SIPA1L3: variants seen among roughly 807,000 people sequenced by gnomAD.
SIPA1L3 encodes the protein signal-induced proliferation-associated 1-like protein 3.
Under a neutral mutation model 150.1 loss-of-function variants are expected in SIPA1L3, and 59 were observed. The ratio of observed to expected loss-of-function variants is 0.39; its 90% CI spans 0.32 to 0.49. SIPA1L3 has a LOEUF of 0.49. SIPA1L3 is among the 20% of genes least tolerant of loss of function. The pLI is 0.86. For missense variants in SIPA1L3, 2,211 were observed against 2,489.5 expected (o/e 0.89, Z 2.38); for synonymous variants, 1,070 against 1,077.6 (o/e 0.99, Z 0.14).
At chr19:38,074,320 G>T (rs1969789819) in intron 2 of SIPA1L3, among the ~76,000 whole-genome samples, 1 of 152,252 alleles carries the variant, frequency 6.6e-6, no homozygotes, top group Non-Finnish European at 1.5e-5. Context: ...TTCTGACTGA[G>T]CTGGAAACAA....
At chr19:38,079,373 G>A (rs372978888) in intron 2 of SIPA1L3, among the ~76,000 whole-genome samples, 1 of 152,168 alleles carries the variant, frequency 6.6e-6, no homozygotes, top group Admixed American at 6.5e-5. Flanking sequence ...GAACAACACA[G>A]ACATCCCTGC....
intron 9 of SIPA1L3, among the ~76,000 whole-genome samples, chr19:38,124,906 G>T (rs893990893): frequency 7.9e-5 from 12 of 152,164 alleles, no homozygotes; most frequent in African/African-American, 2.9e-4. Context: ...GCAGGCTGAG[G>T]CAGGAGAATC....
intron 1 of SIPA1L3, among the ~76,000 whole-genome samples, chr19:37,939,217 G>GT (rs2046629496): frequency 6.6e-6 from 1 of 151,868 alleles, no homozygotes; most frequent in East Asian, 1.9e-4. Context: ...TTGCATTTTG[G>GT]TATCAGATGT....
Position 38,106,573 on chromosome 19 carries a change from A to G in SIPA1L3, c.2066A>G (p.Tyr689Cys). 1 of 1,614,020 alleles carries G rather than the reference A, an allele frequency of 6.2e-7. No homozygotes were observed. Among genetic ancestry groups the G allele is most frequent in the Non-Finnish European group, 8.5e-7 (1 of 1,179,906 alleles). ...STGTHSLYTM[Y>C]QDYEIMFHVS... ...GGAACCCACTCCCTCTACACGATGT[A>G]CCAGGACTACGAGATCATGTTCCAT... is the stretch of plus-strand genomic sequence containing the variant. Residue 689 changes from tyrosine to cysteine, a missense_variant, in exon 7 of 22, where the codon TAC becomes TGC. By Grantham distance (194) the Tyr-to-Cys change is radical (BLOSUM62 -2). This residue lies in a region of SIPA1L3 where 625 missense variants were observed against 804.2 expected (regional missense o/e 0.78). Coordinates refer to ENST00000222345, the MANE Select transcript of SIPA1L3 (RefSeq NM_015073.3).
At chr19:38,094,934 G>A (rs1970344111) in intron 4 of SIPA1L3, among the ~76,000 whole-genome samples, 1 of 152,088 alleles carries the variant, frequency 6.6e-6, no homozygotes. Flanking sequence ...GGGCATGGTG[G>A]CACACACCTG....
chr19:38,127,604 C>T (rs948899268), intron 9 of SIPA1L3, among the ~76,000 whole-genome samples: 2 of 152,140 alleles, frequency 1.3e-5, no homozygotes, highest in Admixed American at 6.6e-5. Flanking sequence ...CTGCCTCCCA[C>T]CTCAGCCTCC....
intron 8 of SIPA1L3, among the ~76,000 whole-genome samples, chr19:38,117,640 A>G (rs1469754770): frequency 6.6e-6 from 1 of 151,190 alleles, no homozygotes; most frequent in African/African-American, 2.4e-5. Flanking sequence ...AAAGAGCATT[A>G]CCTATGGGGT....
At chr19:38,011,580 A>T (rs970364835) in intron 1 of SIPA1L3, among the ~76,000 whole-genome samples, 1 of 152,352 alleles carries the variant, frequency 6.6e-6, no homozygotes, top group South Asian at 2.1e-4. Flanking sequence ...TCCCTGGGGA[A>T]GCCTGCCTTG....
chr19:37,999,602 C>T (rs995909255), intron 1 of SIPA1L3, among the ~76,000 whole-genome samples: 4 of 152,124 alleles, frequency 2.6e-5, no homozygotes, highest in Non-Finnish European at 5.9e-5. Context: ...GGTCTCAGTC[C>T]GGGCGGGCGA....
intron 1 of SIPA1L3, among the ~76,000 whole-genome samples, chr19:37,929,909 A>G (rs1183342730): frequency 6.6e-6 from 1 of 152,010 alleles, no homozygotes; most frequent in Non-Finnish European, 1.5e-5. Context: ...CCCAGGCTAG[A>G]GTGCAGTGGT....
chr19:37,933,958 G>C (rs556056789), intron 1 of SIPA1L3, among the ~76,000 whole-genome samples: 1 of 152,170 alleles, frequency 6.6e-6, no homozygotes, highest in Admixed American at 6.5e-5. Context: ...GTTCCTGCAG[G>C]GGGAGGCCAG....
intron 10 of SIPA1L3, among the ~76,000 whole-genome samples, chr19:38,134,254 G>T (rs961537439): frequency 1.3e-5 from 2 of 151,228 alleles, no homozygotes; most frequent in African/African-American, 2.4e-5. Flanking sequence ...AGAGTGCTAG[G>T]ATTACAGGCA....
Position 38,141,292 on chromosome 19 carries a change from G to GAGC in SIPA1L3, c.3253_3255dup (p.Ser1085dup). On this transcript the variant is annotated inframe_insertion, in exon 11 of 22. Coordinates refer to ENST00000222345, the MANE Select transcript of SIPA1L3 (RefSeq NM_015073.3). ...ACCGCAGCAATGCTCCCTGGCAGTG[G>GAGC]AGCGGGCCCGCATCCCATAACTCTC... 1 of 1,613,904 alleles carries GAGC rather than the reference G, an allele frequency of 6.2e-7. No individual in the cohort carries two copies. Among genetic ancestry groups the GAGC allele is most frequent in the Non-Finnish European group, 8.5e-7 (1 of 1,179,952 alleles).
At chr19:38,186,901 G>C (rs940380435) in intron 16 of SIPA1L3, among the ~76,000 whole-genome samples, 3 of 151,270 alleles carry the variant, frequency 2.0e-5, no homozygotes, top group Non-Finnish European at 1.5e-5. Flanking sequence ...CAGCTACTCG[G>C]GAGGCTGAGG....
chr19:37,962,160 T>TTTTTG (rs1354091810), intron 1 of SIPA1L3, among the ~76,000 whole-genome samples: 3 of 151,570 alleles, frequency 2.0e-5, no homozygotes, highest in Non-Finnish European at 2.9e-5. Flanking sequence ...TTTTTTTTTT[T>TTTTTG]TGAGACAGAG....
At chr19:38,078,775 C>A (rs1219112048) in intron 2 of SIPA1L3, among the ~76,000 whole-genome samples, 4 of 152,198 alleles carry the variant, frequency 2.6e-5, no homozygotes, top group African/African-American at 9.7e-5. Context: ...TGAGCAAAAT[C>A]AGTTCCGTTG....
Position 38,119,432 on chromosome 19 carries a change from C to A in SIPA1L3, c.2418C>A (p.Ala806=), listed in dbSNP as rs150630696. ...CCAAGGTGATTAACGCTGAGAACGCCGCGCACAAGTCCGACAAGTTCCACA... is the reference window on the plus strand; with the variant it reads ...CCAAGGTGATTAACGCTGAGAACGCAGCGCACAAGTCCGACAAGTTCCACA... ...LLAKVINAEN[A]AHKSDKFHTM... The change falls in exon 9 of 22, where the codon GCC becomes GCA. Residue 806 remains alanine, a synonymous_variant. Transcript: ENST00000222345. 2 of 1,614,156 alleles carry A rather than the reference C, an allele frequency of 1.2e-6. No homozygotes were observed. Among genetic ancestry groups the A allele is most frequent in the Non-Finnish European group, 1.7e-6 (2 of 1,180,038 alleles).
chr19:37,930,471 A>G (rs2046543867), intron 1 of SIPA1L3, among the ~76,000 whole-genome samples: 1 of 152,154 alleles, frequency 6.6e-6, no homozygotes. Context: ...AATGTGACTT[A>G]TAATAAATAT....
intron 1 of SIPA1L3, among the ~76,000 whole-genome samples, chr19:37,943,734 G>C (rs2046683375): frequency 6.6e-6 from 1 of 152,090 alleles, no homozygotes; most frequent in African/African-American, 2.4e-5. Flanking sequence ...CACAGGGTGT[G>C]TGTTGTATGT....
Sources: gnomAD v4.1 joint callset for allele counts (sites outside exome capture counted in the v4.1 genomes callset) on GRCh38, gnomAD v4.1.1 for gene constraint, gnomAD v4.1.1 regional missense constraint, MANE v1.5 for transcripts, NCBI Gene and HGNC (gene_info 2026-07-23, HGNC 2026-07-21) for gene names.